The following AGPAT3 variants were observed in gnomAD, a reference collection of about 807,000 sequenced individuals.
AGPAT3 encodes the protein 1-acylglycerol-3-phosphate O-acyltransferase 3.
AGPAT3 carries 5 observed loss-of-function variants against 47.3 expected under a neutral mutation model. That is an observed-to-expected ratio of 0.11 (90% CI 0.06 to 0.22). The LOEUF is 0.22. AGPAT3 is among the 10% of genes least tolerant of loss of function. AGPAT3 has a pLI of 1.00. For missense variants in AGPAT3, 315 were observed against 493.0 expected, an observed-to-expected ratio of 0.64 and a Z score of 3.42; for synonymous variants, 212 against 208.3, an observed-to-expected ratio of 1.02 and a Z score of -0.15.
intron 4 of AGPAT3, 71 bp downstream of exon 4, chr21:43,968,186 C>A: frequency 6.6e-7 from 1 of 1,518,526 alleles, no homozygotes; most frequent in Non-Finnish European, 8.9e-7. Context: ...TGAGCGGGGA[C>A]CCAGGGAGGG....
chr21:43,901,320 TAAAA>T (rs34649071), intron 1 of AGPAT3, among the ~76,000 whole-genome samples: 12,910 of 128,972 alleles, frequency 0.1, 1,337 homozygotes, highest in African/African-American at 0.27. Context: ...GAAACTCTGT[TAAAA>T]AAAAAAAAAA....
chr21:43,910,393 G>GGT (rs1195246358), intron 2 of AGPAT3, among the ~76,000 whole-genome samples: 1 of 152,226 alleles, frequency 6.6e-6, no homozygotes. Context: ...AATACAGTGA[G>GGT]GTGAAGGAGG....
rs917241745 is a variant in AGPAT3 at position 43,908,711 on chromosome 21, C to G, written c.-49+4692C>G. On this transcript the variant is annotated intron_variant, in intron 2 of 9. Coordinates refer to ENST00000291572, the MANE Select transcript of AGPAT3 (RefSeq NM_020132.5). The surrounding 1 kb of genome is among the most constrained non-coding windows in gnomAD (Gnocchi z 4.9). ...AACCTTTGGGTTCTTTAAGAAAAGG[C>G]TAATTGCAGAGGATGCTCACTGATG... Among the ~76,000 whole-genome samples the G allele has an allele frequency of 2.6e-5, 4 of 152,218 alleles. No individual in the cohort carries two copies. The highest frequency in any genetic ancestry group is 9.6e-5 in the African/African-American group (4 of 41,462).
intron 2 of AGPAT3, among the ~76,000 whole-genome samples, chr21:43,935,771 C>G (rs2087425393): frequency 1.3e-5 from 2 of 152,260 alleles, no homozygotes; most frequent in South Asian, 4.1e-4. Context: ...GAAGGACAAC[C>G]TGGCTTCATC....
rs1022688312 is a variant in AGPAT3, at chr21:43,930,797, G to A, written c.-49+26778G>A. 6.6e-6 allele frequency among the ~76,000 whole-genome samples: 1 copy of A among 152,144 alleles called. No homozygotes were observed. Among genetic ancestry groups the A allele is most frequent in the South Asian group, 2.1e-4 (1 of 4,828 alleles). ...CAGGAGGTGGCTCCTCACGGTGGCC[G>A]GGGTGGCCCACGGCAGGCCAGTGTG... On this transcript the variant is annotated intron_variant, in intron 2 of 9. Coordinates refer to ENST00000291572, the MANE Select transcript of AGPAT3 (RefSeq NM_020132.5). The surrounding 1 kb of genome is among the most constrained non-coding windows in gnomAD (Gnocchi z 5.0).
intron 1 of AGPAT3, among the ~76,000 whole-genome samples, chr21:43,876,655 G>A (rs1040736982): frequency 6.6e-6 from 1 of 152,180 alleles, no homozygotes; most frequent in African/African-American, 2.4e-5. Context: ...AAACCGTAAT[G>A]AACAGTAGAA....
chr21:43,883,266 C>T (rs1400589146), intron 1 of AGPAT3, among the ~76,000 whole-genome samples: 3 of 152,236 alleles, frequency 2.0e-5, no homozygotes, highest in African/African-American at 7.2e-5. Flanking sequence ...CCTCCGTGAT[C>T]AGCCAGAGGA....
At position 43,933,159 on chromosome 21, in the gene AGPAT3, A is replaced by G. The variant is rs2087314819; in HGVS notation, c.-48-26475A>G. Among the ~76,000 whole-genome samples the G allele has an allele frequency of 6.6e-6, 1 of 152,184 alleles. No individual in the cohort carries two copies. Among genetic ancestry groups the G allele is most frequent in the Admixed American group, 6.5e-5 (1 of 15,280 alleles). ...TTCGATTTGCTTCTCCCTGATGGTT[A>G]ATAATGCCGAACAGCTCTTCGTTAA... On this transcript the variant is annotated intron_variant, in intron 2 of 9. Coordinates refer to ENST00000291572, the MANE Select transcript of AGPAT3 (RefSeq NM_020132.5). The surrounding 1 kb of genome is among the most constrained non-coding windows in gnomAD (Gnocchi z 6.0).
At chr21:43,919,510 A>G (rs2146175506) in intron 2 of AGPAT3, among the ~76,000 whole-genome samples, 1 of 152,294 alleles carries the variant, frequency 6.6e-6, no homozygotes, top group Middle Eastern at 3.4e-3. Context: ...TCCGTGGTGT[A>G]TATGGACCAC....
At chr21:43,912,913 G>A (rs1272164708) in intron 2 of AGPAT3, among the ~76,000 whole-genome samples, 1 of 152,202 alleles carries the variant, frequency 6.6e-6, no homozygotes, top group African/African-American at 2.4e-5. Flanking sequence ...TCCGGTGTTT[G>A]CCCAGCGAGT....
intron 1 of AGPAT3, among the ~76,000 whole-genome samples, chr21:43,873,931 T>C (rs2085678503): frequency 1.3e-5 from 2 of 152,200 alleles, no homozygotes; most frequent in African/African-American, 2.4e-5. Flanking sequence ...TTCTACACTC[T>C]TTGGGTTTAT....
rs549721990 is a variant in AGPAT3 at position 43,931,592 on chromosome 21, C to T, written c.-49+27573C>T. Among the ~76,000 whole-genome samples the T allele has an allele frequency of 8.5e-4, 129 of 152,240 alleles. 1 individual carries two copies. The highest frequency in any genetic ancestry group is 3.5e-3 in the Admixed American group (54 of 15,298). ...TGTGGAGGTAAAAACCGAAGAGCGACGTGGAGTAGGACGCCACATCGGCCC... is the reference window on the plus strand; with the variant it reads ...TGTGGAGGTAAAAACCGAAGAGCGATGTGGAGTAGGACGCCACATCGGCCC... On this transcript the variant is annotated intron_variant, in intron 2 of 9. Transcript: ENST00000291572.
intron 1 of AGPAT3, among the ~76,000 whole-genome samples, chr21:43,885,898 C>T (rs1268456324): frequency 6.6e-6 from 1 of 152,236 alleles, no homozygotes; most frequent in African/African-American, 2.4e-5. Flanking sequence ...GCAGTGTTTT[C>T]AGGAGCACTG....
chr21:43,940,106 C>T (rs538004755), intron 2 of AGPAT3, among the ~76,000 whole-genome samples: 60 of 152,350 alleles, frequency 3.9e-4, no homozygotes, highest in Non-Finnish European at 6.9e-4. Flanking sequence ...TGGGTGGCAA[C>T]GGCCCCTGCC....
At chr21:43,959,925 C>T (rs1046649962) in intron 3 of AGPAT3, 66 bp downstream of exon 3, 26 of 1,496,512 alleles carry the variant, frequency 1.7e-5, no homozygotes, top group Admixed American at 1.4e-4. Flanking sequence ...CGACCATGCA[C>T]GGGGCAGCCG....
intron 2 of AGPAT3, among the ~76,000 whole-genome samples, chr21:43,942,589 G>A (rs139910049): frequency 2.9e-4 from 44 of 152,342 alleles, no homozygotes; most frequent in African/African-American, 9.1e-4. Context: ...CTCTGTGCTC[G>A]GTCCACATGA....
intron 2 of AGPAT3, 114 bp from the exon 3 acceptor site, chr21:43,959,520 C>A: frequency 1.1e-6 from 1 of 897,372 alleles, no homozygotes; most frequent in Non-Finnish European, 1.7e-6. Context: ...TGCTGTGCAG[C>A]ATGTGTGTAT....
At chr21:43,909,209 G>T (rs561219819) in intron 2 of AGPAT3, among the ~76,000 whole-genome samples, 2 of 152,112 alleles carry the variant, frequency 1.3e-5, no homozygotes, top group Non-Finnish European at 2.9e-5. Context: ...TGGCTTCCTC[G>T]GAAGCTACAG....
intron 1 of AGPAT3, among the ~76,000 whole-genome samples, chr21:43,881,368 A>C (rs1041488315): frequency 2.6e-5 from 4 of 152,212 alleles, no homozygotes; most frequent in African/African-American, 9.6e-5. Flanking sequence ...AAAACTGCTA[A>C]AATTCTTAAC....
Sources: allele counts gnomAD v4.1 joint callset (sites outside exome capture counted in the v4.1 genomes callset), GRCh38; gene constraint gnomAD v4.1.1; non-coding constraint Gnocchi (gnomAD v3.1); transcripts MANE v1.5; gene names NCBI Gene and HGNC (gene_info 2026-07-23, HGNC 2026-07-21).